Variants in OR51B5 observed in about 807,000 individuals in gnomAD.
The protein encoded by OR51B5 is olfactory receptor 51B5.
For synonymous variants in OR51B5, 186 were observed against 144.8 expected, an observed-to-expected ratio of 1.28 and a Z score of -2.04; for missense variants, 456 against 374.6, an observed-to-expected ratio of 1.22 and a Z score of -1.79.
At position 5,371,440 on chromosome 11, in the gene OR51B5, G is replaced by C. The variant is rs893847455; in HGVS notation, n.85-24530C>G. Among the ~76,000 whole-genome samples, 7 of 152,076 alleles carry C rather than the reference G, an allele frequency of 4.6e-5. No individual in the cohort carries two copies. The South Asian group carries it at 1.5e-3, about 32-fold the overall frequency. ...ACATAAAGAATGAACAAAATGACCA[G>C]AGGCAGAGGTACCCTGAGAGACAGT... On this transcript the variant is annotated intron_variant and non_coding_transcript_variant, in intron 1 of 4. Coordinates refer to the OR51B5 transcript ENST00000415970.
intron 1 of OR51B5, chr11:5,402,630 C>G (rs937245492): frequency 1.3e-5 from 6 of 471,112 alleles, no homozygotes; most frequent in African/African-American, 1.2e-4. Flanking sequence ...GGGGTTTTTA[C>G]CTACGACTTT....
At chr11:5,343,742 C>G (rs769364690), upstream of OR51B5, 4 of 414,454 alleles carry the variant, frequency 9.7e-6, no homozygotes, top group African/African-American at 8.2e-5. Flanking sequence ...CTCCTACCTA[C>G]GTAATCAAAT....
intron 1 of OR51B5, among the ~76,000 whole-genome samples, chr11:5,481,654 A>G (rs1192960428): frequency 7.0e-6 from 1 of 142,170 alleles, no homozygotes; most frequent in Non-Finnish European, 1.5e-5. Context: ...AAGCAACTTC[A>G]GCAAAGTCTC....
At chr11:5,475,868 A>G (rs1851297674) in intron 1 of OR51B5, among the ~76,000 whole-genome samples, 1 of 151,842 alleles carries the variant, frequency 6.6e-6, no homozygotes, top group African/African-American at 2.4e-5. Flanking sequence ...ATGGTAGGGT[A>G]CATGTGACTA....
chr11:5,460,547 T>C (rs1851034966), intron 1 of OR51B5, among the ~76,000 whole-genome samples: 1 of 152,242 alleles, frequency 6.6e-6, no homozygotes, highest in African/African-American at 2.4e-5. Flanking sequence ...TTGAGCTTCC[T>C]TGCCATCAGA....
chr11:5,427,135 T>G (rs1231959867), intron 1 of OR51B5, among the ~76,000 whole-genome samples: 1 of 152,216 alleles, frequency 6.6e-6, no homozygotes, highest in African/African-American at 2.4e-5. Context: ...TGCTTACATT[T>G]CCCCTTCTCC....
intron 1 of OR51B5, among the ~76,000 whole-genome samples, chr11:5,363,827 GA>G (rs2133700481): frequency 6.6e-6 from 1 of 152,266 alleles, no homozygotes; most frequent in South Asian, 2.1e-4. Flanking sequence ...GTGTACAATA[GA>G]AAGCAATTAC....
chr11:5,457,209 C>T (rs1258746972), intron 1 of OR51B5, among the ~76,000 whole-genome samples: 1 of 152,180 alleles, frequency 6.6e-6, no homozygotes, highest in Non-Finnish European at 1.5e-5. Flanking sequence ...GTTTTACTCC[C>T]CCTTATATGT....
chr11:5,491,532 C>A (rs977251850), intron 1 of OR51B5, among the ~76,000 whole-genome samples: 1 of 152,078 alleles, frequency 6.6e-6, no homozygotes, highest in African/African-American at 2.4e-5. Flanking sequence ...AAGGAGACAG[C>A]AAAGAGGATT....
At chr11:5,467,178 A>T (rs1193598407) in intron 1 of OR51B5, among the ~76,000 whole-genome samples, 1 of 152,006 alleles carries the variant, frequency 6.6e-6, no homozygotes, top group African/African-American at 2.4e-5. Context: ...ATATGCCCAG[A>T]TTTTTGCTTA....
intron 1 of OR51B5, among the ~76,000 whole-genome samples, chr11:5,493,654 G>A (rs892362193): frequency 6.6e-6 from 1 of 152,208 alleles, no homozygotes; most frequent in African/African-American, 2.4e-5. Context: ...CCAAAGAACT[G>A]TGTTGACCAC....
At chr11:5,473,364 CT>C (rs1564825196) in intron 1 of OR51B5, among the ~76,000 whole-genome samples, 1 of 152,124 alleles carries the variant, frequency 6.6e-6, no homozygotes, top group Non-Finnish European at 1.5e-5. Flanking sequence ...CACATTCAAC[CT>C]TTCATAATGA....
In OR51B5 at chr11:5,469,074, G is replaced by A. The variant is rs530062033; in HGVS notation, n.84+36495C>T. On this transcript the variant is annotated intron_variant and non_coding_transcript_variant, in intron 1 of 4. Transcript: ENST00000415970. ...TAGTGGTCAAAACTCATGGCCAGTA[G>A]GATGCCAAACTCTGTCCAGGAGGAA... 10 of 251,034 alleles carry A rather than the reference G, an allele frequency of 4.0e-5. No homozygotes were observed. In the South Asian group the frequency reaches 4.4e-4, roughly 11 times the overall value. 15.6% of individuals were successfully genotyped at this position (251,034 alleles called of 1,614,324 possible). A position where few individuals can be genotyped will look rare whatever the true frequency, so the allele number is the denominator to read the frequency against.
intron 1 of OR51B5, chr11:5,355,705 A>G (rs1299752618): frequency 6.6e-6 from 1 of 152,090 alleles, no homozygotes; most frequent in Non-Finnish European, 1.5e-5. Context: ...TTATGTTTTC[A>G]GTGGTGTGTC....
intron 1 of OR51B5, among the ~76,000 whole-genome samples, chr11:5,412,439 G>C (rs12577634): frequency 0.21 from 32,546 of 151,894 alleles, 3,759 homozygotes; most frequent in Non-Finnish European, 0.24. Context: ...GACAGTGGGC[G>C]CAGGTCAGTG....
intron 1 of OR51B5, chr11:5,468,952 C>T (rs17297010): frequency 0.29 from 101,044 of 351,068 alleles, 17,119 homozygotes; most frequent in Non-Finnish European, 0.37. Context: ...GTGGGAATAC[C>T]ATGCAGAAGC....
intron 1 of OR51B5, among the ~76,000 whole-genome samples, chr11:5,473,679 T>TTTTTTTAGAGCATTTAG (rs1851263159): frequency 6.6e-6 from 1 of 152,178 alleles, no homozygotes; most frequent in Non-Finnish European, 1.5e-5. Context: ...AAAATAAGCA[T>TTTTTTTAGAGCATTTAG]ACACATTTAG....
At chr11:5,365,001 G>C (rs185891106) in intron 1 of OR51B5, among the ~76,000 whole-genome samples, 70 of 152,290 alleles carry the variant, frequency 4.6e-4, no homozygotes, top group African/African-American at 1.7e-3. Context: ...GATTTCTCAA[G>C]TAACTGCTTC....
intron 1 of OR51B5, chr11:5,423,076 C>T (rs1850381312): frequency 6.2e-7 from 1 of 1,614,016 alleles, no homozygotes; most frequent in Admixed American, 1.7e-5. Flanking sequence ...TGAACCCCAT[C>T]ATTTACAGTG....
Sources: allele counts gnomAD v4.1 joint callset (sites outside exome capture counted in the v4.1 genomes callset), GRCh38; gene constraint gnomAD v4.1.1; transcripts MANE v1.5; gene names NCBI Gene and HGNC (gene_info 2026-07-23, HGNC 2026-07-21).